L2HGDH: variants seen among roughly 807,000 people sequenced by gnomAD.
L2HGDH encodes the protein L-2-hydroxyglutarate dehydrogenase, mitochondrial.
L2HGDH carries 34 observed loss-of-function variants against 51.5 expected under a neutral mutation model. The ratio of observed to expected loss-of-function variants is 0.66; its 90% confidence interval spans 0.50 to 0.88. L2HGDH has a LOEUF of 0.88. Ranked by LOEUF, L2HGDH falls within the 40% of genes least tolerant of loss-of-function variation. The probability of loss-of-function intolerance (pLI) is 0.00; values close to 1 mark genes in which losing one functional copy is unlikely to be tolerated. For missense variants in L2HGDH, 558 were observed against 571.9 expected, an observed-to-expected ratio of 0.98 and a Z score of 0.25; for synonymous variants, 198 against 197.9, an observed-to-expected ratio of 1.00 and a Z score of -0.01.
rs1889442559 is a variant in L2HGDH, at chr14:50,267,974, A to G, written c.907-64T>C. On this transcript the variant is annotated intron_variant, in intron 7 of 9. Coordinates refer to ENST00000267436, the MANE Select transcript of L2HGDH (RefSeq NM_024884.3). ...ATTCCATGTTATCAGAGATGCAAAC[A>G]TTCAATTGGTAACATAAAACACTTT... The G allele has an allele frequency of 1.0e-5, 15 of 1,445,160 alleles. No homozygotes were observed. The South Asian group carries it at 1.3e-4, about 12-fold the overall frequency. The allele number at this position is 1,445,160 out of a possible 1,614,324, so 89.5% of individuals were successfully genotyped here.
intron 3 of L2HGDH, 120 bp downstream of exon 3, chr14:50,301,897 T>C: frequency 9.8e-7 from 1 of 1,024,258 alleles, no homozygotes; most frequent in South Asian, 1.5e-5. Context: ...TTCCCTAAGA[T>C]TAGATTTGAA....
rs1174411606 is a variant in L2HGDH, at chr14:50,243,668, T to C, written c.*3390A>G. On this transcript the variant is annotated 3_prime_UTR_variant, in exon 10 of 10. Coordinates refer to ENST00000267436, the MANE Select transcript of L2HGDH (RefSeq NM_024884.3). ...TTTTTATTTTTCAGGGTATTTTATA[T>C]ATATATATATATATATATTGTTTAT... 2.0e-5 allele frequency: 1 copy of C among 50,192 alleles called. No individual in the cohort carries two copies. Among genetic ancestry groups the C allele is most frequent in the Admixed American group, 4.8e-4 (1 of 2,064 alleles). The allele number at this position is 50,192 out of a possible 1,614,324, so 3.1% of individuals were successfully genotyped here. A position where few individuals can be genotyped will look rare whatever the true frequency, so the allele number is the denominator to read the frequency against.
intron 4 of L2HGDH, among the ~76,000 whole-genome samples, chr14:50,293,589 T>A (rs934821884): frequency 2.6e-5 from 4 of 151,988 alleles, no homozygotes; most frequent in Non-Finnish European, 5.9e-5. Context: ...GAAGACAATA[T>A]TAAGAAAGTG....
intron 5 of L2HGDH, 167 bp downstream of exon 5, chr14:50,283,704 T>C (rs1040294580): frequency 8.3e-6 from 5 of 600,126 alleles, no homozygotes; most frequent in Non-Finnish European, 1.4e-5. Context: ...AATGCTATTT[T>C]TTTGTTATAC....
intron 1 of L2HGDH, among the ~76,000 whole-genome samples, chr14:50,308,102 G>A (rs572027155): frequency 1.2e-4 from 19 of 152,144 alleles, no homozygotes; most frequent in East Asian, 7.7e-4. Context: ...CATTTAGAAC[G>A]TAGGCAGGCC....
chr14:50,269,317 C>A lies in L2HGDH; in HGVS notation c.752G>T (p.Arg251Leu), dbSNP rs767037296. 1 of 1,613,854 alleles carries A rather than the reference C, an allele frequency of 6.2e-7. No individual in the cohort carries two copies. Among genetic ancestry groups the A allele is most frequent in the Admixed American group, 1.7e-5 (1 of 59,988 alleles). The change falls in exon 7 of 10, where the codon CGA becomes CTA. Residue 251 changes from arginine to leucine, a missense_variant. Coordinates refer to ENST00000267436, the MANE Select transcript of L2HGDH (RefSeq NM_024884.3). Reference sequence around the variant, plus strand: ...TGCACATGTCACAACATACTGACATCGAATTTCCTCTCCCTAGTGCAAAAT... The same window carrying A: ...TGCACATGTCACAACATACTGACATAGAATTTCCTCTCCCTAGTGCAAAAT... ...VIKNTKGEEI[R>L]CQYVVTCAGL...
At chr14:50,256,209 T>C (rs1888658840) in intron 9 of L2HGDH, among the ~76,000 whole-genome samples, 1 of 152,054 alleles carries the variant, frequency 6.6e-6, no homozygotes, top group South Asian at 2.1e-4. Flanking sequence ...AAAACTCCAC[T>C]GCTAATCTAA....
intron 8 of L2HGDH, 120 bp downstream of exon 8, chr14:50,267,633 T>C: frequency 1.3e-6 from 1 of 763,550 alleles, no homozygotes; most frequent in Non-Finnish European, 2.2e-6. Context: ...TAATACAACA[T>C]TCAATATACC....
intron 4 of L2HGDH, among the ~76,000 whole-genome samples, chr14:50,286,098 A>G (rs745328677): frequency 5.3e-5 from 8 of 152,162 alleles, no homozygotes; most frequent in Non-Finnish European, 1.2e-4. Flanking sequence ...TCAGAGACTG[A>G]AATCTGAGGC....
chr14:50,284,098 T>C, intron 4 of L2HGDH, 65 bp from the exon 5 acceptor site: 1 of 1,491,800 alleles, frequency 6.7e-7, no homozygotes, highest in Non-Finnish European at 9.3e-7. Context: ...ACAAAATCTC[T>C]ATAATCAAGA....
At chr14:50,309,250 T>C (rs2030910636) in intron 1 of L2HGDH, among the ~76,000 whole-genome samples, 1 of 152,184 alleles carries the variant, frequency 6.6e-6, no homozygotes, top group African/African-American at 2.4e-5. Context: ...AAAAGTTTTA[T>C]ACTGAATATT....
At chr14:50,275,635 G>A (rs973820414) in intron 6 of L2HGDH, among the ~76,000 whole-genome samples, 1 of 152,216 alleles carries the variant, frequency 6.6e-6, no homozygotes, top group African/African-American at 2.4e-5. Flanking sequence ...GCCACTGGGT[G>A]ACAGAAACTG....
rs372915134 is a variant in L2HGDH at position 50,304,788 on chromosome 14, T to C, written c.141-1771A>G. Reference sequence around the variant, plus strand: ...AGGCGGAGCTTGCAGTGAGCCAAGATTGCACCACTGCACTCCAGCCTGGGC... The same window carrying C: ...AGGCGGAGCTTGCAGTGAGCCAAGACTGCACCACTGCACTCCAGCCTGGGC... On this transcript the variant is annotated intron_variant, in intron 1 of 9. Coordinates refer to ENST00000267436, the MANE Select transcript of L2HGDH (RefSeq NM_024884.3). Among the ~76,000 whole-genome samples, 304 of 152,144 alleles carry C rather than the reference T, an allele frequency of 2.0e-3. 1 individual carries two copies. The highest frequency in any genetic ancestry group is 6.5e-3 in the African/African-American group (268 of 41,506).
At chr14:50,292,332 A>G (rs1211292042) in intron 4 of L2HGDH, among the ~76,000 whole-genome samples, 3 of 152,216 alleles carry the variant, frequency 2.0e-5, no homozygotes, top group Admixed American at 6.5e-5. Flanking sequence ...AAATTTATGT[A>G]GAAATGTAAA....
intron 9 of L2HGDH, among the ~76,000 whole-genome samples, chr14:50,251,604 AAAGAATTCTAAAAGCAGC>A (rs1888355339): frequency 6.6e-6 from 1 of 152,146 alleles, no homozygotes; most frequent in African/African-American, 2.4e-5. Context: ...AAGGATAAAG[AAAGAATTCTAAAAGCAGC>A]AAGAAAAAAG....
chr14:50,251,967 A>C (rs774371562), intron 9 of L2HGDH, among the ~76,000 whole-genome samples: 11 of 152,250 alleles, frequency 7.2e-5, no homozygotes, highest in Non-Finnish European at 1.5e-4. Flanking sequence ...TAAAAAACAC[A>C]GAATAGTATA....
chr14:50,308,597 T>C (rs1184405444), intron 1 of L2HGDH, among the ~76,000 whole-genome samples: 3 of 152,116 alleles, frequency 2.0e-5, no homozygotes, highest in African/African-American at 7.2e-5. Flanking sequence ...ATTTAAAAAG[T>C]GATCACCCCA....
chr14:50,255,643 T>C (rs1286618863), intron 9 of L2HGDH, among the ~76,000 whole-genome samples: 1 of 152,048 alleles, frequency 6.6e-6, no homozygotes, highest in Non-Finnish European at 1.5e-5. Context: ...ATCACCCAAA[T>C]GTGCAGATCT....
intron 4 of L2HGDH, among the ~76,000 whole-genome samples, chr14:50,293,520 T>C (rs1362923845): frequency 2.0e-5 from 3 of 152,032 alleles, no homozygotes; most frequent in East Asian, 1.9e-4. Context: ...CAAAAAACAC[T>C]AACCATAAAA....
Sources: gnomAD v4.1 joint callset for allele counts (sites outside exome capture counted in the v4.1 genomes callset) on GRCh38, gnomAD v4.1.1 for gene constraint, MANE v1.5 for transcripts, NCBI Gene and HGNC (gene_info 2026-07-23, HGNC 2026-07-21) for gene names.